Variants in LRRC4C observed in about 807,000 individuals in gnomAD.
LRRC4C encodes leucine-rich repeat-containing protein 4C.
A neutral mutation model predicts 33.6 loss-of-function variants in LRRC4C; 5 were observed. The observed-to-expected ratio is 0.15, with a 90% confidence interval of 0.08 to 0.31. The LOEUF (loss-of-function observed/expected upper bound fraction) is 0.31. LRRC4C is among the 10% of genes least tolerant of loss of function. The pLI, the probability that LRRC4C is intolerant of heterozygous loss-of-function variation, is 1.00. For missense variants in LRRC4C, 560 were observed against 796.7 expected (o/e 0.70, Z 3.58); for synonymous variants, 329 against 302.0 (o/e 1.09, Z -0.93).
At chr11:41,010,244 C>T (rs979114286) in intron 1 of LRRC4C, among the ~76,000 whole-genome samples, 4 of 152,122 alleles carry the variant, frequency 2.6e-5, no homozygotes, top group African/African-American at 9.7e-5. Context: ...AGGAAATTAA[C>T]ACAATTCCAA....
intron 3 of LRRC4C, among the ~76,000 whole-genome samples, chr11:40,470,893 C>T (rs577288526): frequency 3.9e-5 from 6 of 152,214 alleles, no homozygotes; most frequent in Non-Finnish European, 8.8e-5. Context: ...TGTGAAAAGA[C>T]CAAAGCTACA....
intron 1 of LRRC4C, among the ~76,000 whole-genome samples, chr11:41,283,733 C>T (rs7127356): frequency 0.24 from 35,957 of 152,094 alleles, 5,029 homozygotes; most frequent in African/African-American, 0.39. Flanking sequence ...TAGCCCTTTA[C>T]GGAAGAGGTT....
At chr11:41,089,793 T>C (rs765256540) in intron 1 of LRRC4C, among the ~76,000 whole-genome samples, 4 of 152,074 alleles carry the variant, frequency 2.6e-5, no homozygotes, top group Non-Finnish European at 5.9e-5. Flanking sequence ...TTATAAATTA[T>C]GTCGAAACGA....
chr11:40,573,528 G>C (rs1163837768), intron 3 of LRRC4C, among the ~76,000 whole-genome samples: 1 of 151,984 alleles, frequency 6.6e-6, no homozygotes, highest in African/African-American at 2.4e-5. Context: ...TCAGTTCCAG[G>C]TTTGACACCA....
chr11:41,442,675 T>C (rs1025414937), intron 1 of LRRC4C, among the ~76,000 whole-genome samples: 4 of 151,932 alleles, frequency 2.6e-5, no homozygotes, highest in African/African-American at 2.4e-5. Context: ...TTCACTGTGT[T>C]AGCCAGGATG....
intron 1 of LRRC4C, among the ~76,000 whole-genome samples, chr11:41,131,720 T>A (rs1046840673): frequency 6.6e-6 from 1 of 152,044 alleles, no homozygotes; most frequent in Admixed American, 6.6e-5. Context: ...ACCCTGCTGT[T>A]GAAACAGGAT....
intron 1 of LRRC4C, among the ~76,000 whole-genome samples, chr11:41,419,043 C>T (rs1481928591): frequency 6.6e-6 from 1 of 151,780 alleles, no homozygotes; most frequent in Non-Finnish European, 1.5e-5. Flanking sequence ...TTGAACCAGG[C>T]TTGGTCTTAA....
At chr11:40,182,083 T>G (rs1018543806) in intron 5 of LRRC4C, among the ~76,000 whole-genome samples, 1 of 152,252 alleles carries the variant, frequency 6.6e-6, no homozygotes, top group South Asian at 2.1e-4. Context: ...TCAAATGTAT[T>G]TCTGCCTATT....
intron 1 of LRRC4C, among the ~76,000 whole-genome samples, chr11:40,995,123 T>G (rs1478602355): frequency 1.3e-5 from 2 of 152,156 alleles, no homozygotes; most frequent in Non-Finnish European, 2.9e-5. Flanking sequence ...AGTATTTTTT[T>G]CTCTTGATTG....
chr11:40,410,804 A>G (rs1027683054), intron 3 of LRRC4C, among the ~76,000 whole-genome samples: 1 of 152,150 alleles, frequency 6.6e-6, no homozygotes, highest in African/African-American at 2.4e-5. Context: ...AGCAGAAAGA[A>G]ATGTCATGTT....
intron 1 of LRRC4C, among the ~76,000 whole-genome samples, chr11:41,038,880 T>C (rs538941495): frequency 6.6e-6 from 1 of 152,244 alleles, no homozygotes; most frequent in South Asian, 2.1e-4. Context: ...CACTCTCAAC[T>C]TCCCCTCATC....
intron 2 of LRRC4C, among the ~76,000 whole-genome samples, chr11:40,728,984 G>A (rs1947426490): frequency 6.7e-6 from 1 of 148,468 alleles, no homozygotes. Context: ...CAGATAGAGG[G>A]AGGGTGGGAG....
intron 3 of LRRC4C, among the ~76,000 whole-genome samples, chr11:40,634,783 A>G (rs1495311): frequency 0.76 from 116,055 of 151,888 alleles, 45,262 homozygotes; most frequent in African/African-American, 0.93. Context: ...TTTGGAAGCT[A>G]AGGCAGGTGG....
intron 2 of LRRC4C, among the ~76,000 whole-genome samples, chr11:40,757,710 T>A (rs187592124): frequency 9.5e-4 from 144 of 151,724 alleles, no homozygotes; most frequent in Admixed American, 1.8e-3. Context: ...GGGCAGGAGG[T>A]GCTATGGGCA....
intron 3 of LRRC4C, among the ~76,000 whole-genome samples, chr11:40,367,295 GAAC>G (rs1165885208): frequency 6.6e-6 from 1 of 151,960 alleles, no homozygotes; most frequent in Admixed American, 6.6e-5. Context: ...TACTGATATA[GAAC>G]AACACAGATG....
intron 3 of LRRC4C, among the ~76,000 whole-genome samples, chr11:40,322,243 G>T (rs1329872062): frequency 6.6e-6 from 1 of 151,750 alleles, no homozygotes; most frequent in African/African-American, 2.4e-5. Context: ...TTTTAAAAAA[G>T]AAATTCACTT....
At chr11:41,340,535 A>G (rs917010865) in intron 1 of LRRC4C, among the ~76,000 whole-genome samples, 15 of 152,106 alleles carry the variant, frequency 9.9e-5, no homozygotes, top group African/African-American at 3.1e-4. Flanking sequence ...AAACTAATAG[A>G]TTAGTAAAAG....
chr11:40,707,673 T>G (rs958398371), intron 2 of LRRC4C, among the ~76,000 whole-genome samples: 4 of 100,920 alleles, frequency 4.0e-5, no homozygotes, highest in African/African-American at 1.8e-4. Context: ...AAAATTCTCT[T>G]TTTTTGTTGT....
At chr11:40,193,170 C>T (rs1861988085) in intron 5 of LRRC4C, among the ~76,000 whole-genome samples, 1 of 152,162 alleles carries the variant, frequency 6.6e-6, no homozygotes, top group African/African-American at 2.4e-5. Context: ...AGACACCTCC[C>T]AGCAGGGGTC....
Sources: gnomAD v4.1 joint callset for allele counts (sites outside exome capture counted in the v4.1 genomes callset) on GRCh38, gnomAD v4.1.1 for gene constraint, MANE v1.5 for transcripts, NCBI Gene and HGNC (gene_info 2026-07-23, HGNC 2026-07-21) for gene names.